Variants in RASL12 observed in about 807,000 individuals in gnomAD.
The protein encoded by RASL12 is RAS like family 12.
In RASL12, 16 loss-of-function variants were observed where a neutral mutation model predicts 22.9. The observed-to-expected ratio is 0.70, with a 90% confidence interval of 0.47 to 1.06. The LOEUF is 1.06. Ranked by LOEUF, RASL12 falls within the 50% of genes least tolerant of loss-of-function variation. The probability of loss-of-function intolerance (pLI) is 0.00; values close to 1 mark genes in which losing one functional copy is unlikely to be tolerated. For synonymous variants in RASL12, 159 were observed against 152.2 expected (o/e 1.04, Z -0.33); for missense variants, 306 against 353.1 (o/e 0.87, Z 1.07).
At chr15:65,053,063 T>G (rs777264075), downstream of RASL12, 5 of 1,614,080 alleles carry the variant, frequency 3.1e-6, no homozygotes, top group Non-Finnish European at 4.2e-6. Context: ...AAGAGAAACT[T>G]TGCTCTCAGA....
intron 2 of RASL12, among the ~76,000 whole-genome samples, chr15:65,060,294 C>T (rs2086786282): frequency 6.6e-6 from 1 of 152,124 alleles, no homozygotes; most frequent in African/African-American, 2.4e-5. Context: ...GATCACATTC[C>T]CAGGTGATTT....
At chr15:65,055,462 C>T (rs1347661949) in intron 4 of RASL12, among the ~76,000 whole-genome samples, 188 bp from the exon 5 acceptor site, 1 of 152,202 alleles carries the variant, frequency 6.6e-6, no homozygotes, top group South Asian at 2.1e-4. Flanking sequence ...GTTAGGATTA[C>T]GAAAGACAAT....
intron 2 of RASL12, among the ~76,000 whole-genome samples, 192 bp from the exon 3 acceptor site, chr15:65,059,610 C>T (rs1250841977): frequency 6.6e-6 from 1 of 152,240 alleles, no homozygotes; most frequent in African/African-American, 2.4e-5. Flanking sequence ...GATGCTGCTC[C>T]ACCTGCAGGG....
chr15:65,046,798 A>G, the RASL12 span, among the ~76,000 whole-genome samples: 298 of 152,060 alleles, frequency 2.0e-3, no homozygotes, highest in African/African-American at 6.6e-3. Context: ...CTGTTGTACC[A>G]GCTGCTCAGG....
chr15:65,068,044 A>T (rs1295651511), upstream of RASL12: 1 of 1,105,710 alleles, frequency 9.0e-7, no homozygotes. The surrounding 1 kb of genome is among the most constrained non-coding windows in gnomAD (Gnocchi z 4.2). Flanking sequence ...GGGCCACCCC[A>T]AGCGCCACCA....
upstream of RASL12, among the ~76,000 whole-genome samples, chr15:65,069,737 C>T (rs145009644): frequency 3.8e-3 from 585 of 152,342 alleles, 2 homozygotes; most frequent in East Asian, 0.011. Flanking sequence ...ACACTGGCAG[C>T]AACCAAGGGA....
intron 2 of RASL12, among the ~76,000 whole-genome samples, chr15:65,061,835 G>A (rs1033648911): frequency 1.3e-5 from 2 of 151,962 alleles, no homozygotes; most frequent in Admixed American, 6.6e-5. Context: ...GGATCACAAG[G>A]TCAGGAGTTC....
Position 65,053,473 on chromosome 15 carries a change from G to T in RASL12, c.*1426C>A. The T allele has an allele frequency of 8.6e-7, 1 of 1,157,996 alleles. No homozygotes were observed. The highest frequency in any genetic ancestry group is 1.1e-6 in the Non-Finnish European group (1 of 938,124). The allele number at this position is 1,157,996 out of a possible 1,614,324, so 71.7% of individuals were successfully genotyped here. ...CTGGAGCAAAAGTGCAAAATCCGTAGCTGGCCTGTGGGTCGGGAAGCCTGT... is the reference window on the plus strand; with the variant it reads ...CTGGAGCAAAAGTGCAAAATCCGTATCTGGCCTGTGGGTCGGGAAGCCTGT... On this transcript the variant is annotated 3_prime_UTR_variant, in exon 5 of 5. Coordinates refer to ENST00000220062, the MANE Select transcript of RASL12 (RefSeq NM_016563.4).
chr15:65,054,691 A>T lies in RASL12; in HGVS notation c.*208T>A, dbSNP rs1361667706. On this transcript the variant is annotated 3_prime_UTR_variant, in exon 5 of 5. Coordinates refer to ENST00000220062, the MANE Select transcript of RASL12 (RefSeq NM_016563.4). ...CTCTACGGCCACAGACGCGGTGGTT[A>T]CCATGAAGACCAAGGCCTGGAGGGA... 1 of 1,394,044 alleles carries T rather than the reference A, an allele frequency of 7.2e-7. No homozygotes were observed. The highest frequency in any genetic ancestry group is 2.9e-5 in the Admixed American group (1 of 33,914). 86.4% of individuals were successfully genotyped at this position (1,394,044 alleles called of 1,614,324 possible). A position where few individuals can be genotyped will look rare whatever the true frequency, so the allele number is the denominator to read the frequency against.
Position 65,054,113 on chromosome 15 carries a change from C to G in RASL12, c.*786G>C, listed in dbSNP as rs1425654963. The G allele has an allele frequency of 3.0e-6, 3 of 985,840 alleles. No homozygotes were observed. Among genetic ancestry groups the G allele is most frequent in the Non-Finnish European group, 3.6e-6 (3 of 830,040 alleles). The allele number at this position is 985,840 out of a possible 1,614,324, so 61.1% of individuals were successfully genotyped here. ...CCTGGGTAACTCACTGGAGTGACAA[C>G]TTTCTTCTGCAGCCTGGATCATTAA... is the stretch of plus-strand genomic sequence containing the variant. On this transcript the variant is annotated 3_prime_UTR_variant, in exon 5 of 5. Transcript: ENST00000220062.
chr15:65,049,661 A>G (rs1273333701), downstream of RASL12: 2 of 170,054 alleles, frequency 1.2e-5, no homozygotes, highest in Non-Finnish European at 2.5e-5. Flanking sequence ...AGAACTCGCC[A>G]GTGGCTCAGT....
At chr15:65,075,718 G>A (rs1228534650) in intron 1 of RASL12, among the ~76,000 whole-genome samples, 1 of 151,606 alleles carries the variant, frequency 6.6e-6, no homozygotes, top group Non-Finnish European at 1.5e-5. Context: ...TTGGCACTCT[G>A]TATCTAGCTC....
rs1457999578 is a variant in RASL12 at position 65,054,419 on chromosome 15, G to C, written c.*480C>G. 2.0e-6 allele frequency: 2 copies of C among 989,960 alleles called. No individual in the cohort carries two copies. The highest frequency in any genetic ancestry group is 3.5e-5 in the African/African-American group (2 of 57,342). The allele number at this position is 989,960 out of a possible 1,614,324, so 61.3% of individuals were successfully genotyped here. A position where few individuals can be genotyped will look rare whatever the true frequency, so the allele number is the denominator to read the frequency against. The stretch of plus-strand genomic sequence containing the variant: ...CAGATGACAGGAGGGCCAGGCTCTG[G>C]CCTCTGAAACTGCAGCCGCCCTGCC... On this transcript the variant is annotated 3_prime_UTR_variant, in exon 5 of 5. Coordinates refer to ENST00000220062, the MANE Select transcript of RASL12 (RefSeq NM_016563.4).
At chr15:65,050,249 C>G (rs2086632134), downstream of RASL12, 1 of 653,276 alleles carries the variant, frequency 1.5e-6, no homozygotes, top group Admixed American at 2.9e-5. Context: ...GTCTCAGTAC[C>G]CAGAGGGGTC....
At chr15:65,074,089 T>C (rs1198469088) in intron 1 of RASL12, among the ~76,000 whole-genome samples, 1 of 140,318 alleles carries the variant, frequency 7.1e-6, no homozygotes, top group African/African-American at 2.7e-5. Context: ...AGGAAGAAAA[T>C]TGAGACTCAA....
In RASL12 at chr15:65,053,645, G is replaced by A. The variant is rs2086688602; in HGVS notation, c.*1254C>T. On this transcript the variant is annotated 3_prime_UTR_variant, in exon 5 of 5. Transcript: ENST00000220062. ...AGACGGCTGAGAGGGGAAGGAGCAG[G>A]CTTCCAGGCCCAGAATCCCCTTCCC... is the stretch of plus-strand genomic sequence containing the variant. 2 of 989,364 alleles carry A rather than the reference G, an allele frequency of 2.0e-6. No homozygotes were observed. 61.3% of individuals were successfully genotyped at this position (989,364 alleles called of 1,614,324 possible). A position where few individuals can be genotyped will look rare whatever the true frequency, so the allele number is the denominator to read the frequency against.
rs374529803 is a variant in RASL12 at position 65,067,880 on chromosome 15, C to T, written c.-45G>A. 552 of 1,399,172 alleles carry T rather than the reference C, an allele frequency of 3.9e-4. 4 individuals are homozygous for T. In the African/African-American group the frequency reaches 7.9e-3, roughly 20 times the overall value. The allele number at this position is 1,399,172 out of a possible 1,614,324, so 86.7% of individuals were successfully genotyped here. A position where few individuals can be genotyped will look rare whatever the true frequency, so the allele number is the denominator to read the frequency against. On this transcript the variant is annotated 5_prime_UTR_variant, in exon 1 of 5. Coordinates refer to ENST00000220062, the MANE Select transcript of RASL12 (RefSeq NM_016563.4). Reference sequence around the variant, plus strand: ...ACGCAGGTCTGCGGCCGGTGGGCCCCGCGCAGTGCGCCCGCCCGTCGGGGC... The same window carrying T: ...ACGCAGGTCTGCGGCCGGTGGGCCCTGCGCAGTGCGCCCGCCCGTCGGGGC...
Position 65,067,986 on chromosome 15 carries a change from C to T in RASL12, c.-151G>A, listed in dbSNP as rs1161876747. The T allele has an allele frequency of 1.7e-6, 2 of 1,162,868 alleles. No individual in the cohort carries two copies. Among genetic ancestry groups the T allele is most frequent in the African/African-American group, 1.6e-5 (1 of 61,538 alleles). The allele number at this position is 1,162,868 out of a possible 1,614,324, so 72.0% of individuals were successfully genotyped here. A position where few individuals can be genotyped will look rare whatever the true frequency, so the allele number is the denominator to read the frequency against. On this transcript the variant is annotated 5_prime_UTR_variant, in exon 1 of 5. Coordinates refer to ENST00000220062, the MANE Select transcript of RASL12 (RefSeq NM_016563.4). ...TCCGCGCCCTCGGCCCCGCGTCCAG[C>T]GGGCTGCCACCCCGCGGGGAGGAGG...
chr15:65,050,095 G>C, downstream of RASL12: 1 of 1,551,490 alleles, frequency 6.4e-7, no homozygotes, highest in Non-Finnish European at 8.7e-7. Flanking sequence ...TTTTCGTGTG[G>C]AAGATGGTAA....
Sources: allele counts gnomAD v4.1 joint callset (sites outside exome capture counted in the v4.1 genomes callset), GRCh38; gene constraint gnomAD v4.1.1; non-coding constraint Gnocchi (gnomAD v3.1); transcripts MANE v1.5; gene names NCBI Gene and HGNC (gene_info 2026-07-23, HGNC 2026-07-21).